The following DPP8 variants were observed in gnomAD, a reference collection of about 807,000 sequenced individuals.
DPP8 encodes DPP VIII.
A neutral mutation model predicts 107.5 loss-of-function variants in DPP8; 31 were observed. That is an observed-to-expected ratio of 0.29 (90% CI 0.22 to 0.39). DPP8 has a LOEUF of 0.39. Ranked by LOEUF, DPP8 falls within the 10% of genes least tolerant of loss-of-function variation. The pLI is 1.00. For missense variants in DPP8, 842 were observed against 1,076.1 expected, an observed-to-expected ratio of 0.78 and a Z score of 3.04; for synonymous variants, 381 against 356.6, an observed-to-expected ratio of 1.07 and a Z score of -0.77.
chr15:65,510,400 G>A lies in DPP8; in HGVS notation c.259+1895C>T, dbSNP rs1016108832. ...GATTAATTCACTTACTATATAAAAG[G>A]CTTCAAATCATTAAGAAAAAGAAAC... On this transcript the variant is annotated intron_variant, in intron 2 of 19. Coordinates refer to ENST00000300141, the MANE Select transcript of DPP8 (RefSeq NM_130434.5). Among the ~76,000 whole-genome samples, 7 of 151,960 alleles carry A rather than the reference G, an allele frequency of 4.6e-5. No homozygotes were observed. The East Asian group carries it at 1.3e-3, about 29-fold the overall frequency.
chr15:65,488,283 T>A (rs1003559399), intron 6 of DPP8, among the ~76,000 whole-genome samples: 1 of 151,980 alleles, frequency 6.6e-6, no homozygotes, highest in Non-Finnish European at 1.5e-5. Context: ...ATCCAAGACA[T>A]GGCTTAAAAG....
intron 11 of DPP8, among the ~76,000 whole-genome samples, chr15:65,476,099 C>T (rs755258961): frequency 6.6e-6 from 1 of 152,130 alleles, no homozygotes; most frequent in Non-Finnish European, 1.5e-5. Flanking sequence ...CTCTCAGCGG[C>T]CTAAGGAACA....
chr15:65,472,277 A>AATTT (rs769189027), intron 12 of DPP8, among the ~76,000 whole-genome samples: 51 of 152,172 alleles, frequency 3.4e-4, no homozygotes, highest in Non-Finnish European at 5.0e-4. Context: ...AAGTAAATGC[A>AATTT]ATTTATTTAT....
intron 6 of DPP8, 87 bp from the exon 7 acceptor site, chr15:65,487,905 T>C (rs2067597452): frequency 4.4e-6 from 4 of 909,938 alleles, no homozygotes; most frequent in Non-Finnish European, 6.7e-6. Context: ...ATCAGATTTC[T>C]TATAGTGAAG....
intron 12 of DPP8, among the ~76,000 whole-genome samples, chr15:65,472,002 G>A (rs2065938191): frequency 6.6e-6 from 1 of 152,128 alleles, no homozygotes; most frequent in Admixed American, 6.6e-5. Flanking sequence ...ACACATACAG[G>A]ATGGAGTTCC....
At chr15:65,461,706 C>T (rs558936260) in intron 15 of DPP8, among the ~76,000 whole-genome samples, 22 of 151,534 alleles carry the variant, frequency 1.5e-4, no homozygotes, top group African/African-American at 4.8e-4. Flanking sequence ...TGGGTTCAAA[C>T]GATTCTCCTG....
At chr15:65,482,282 C>A (rs1411342781) in intron 8 of DPP8, among the ~76,000 whole-genome samples, 1 of 151,966 alleles carries the variant, frequency 6.6e-6, no homozygotes. Flanking sequence ...CTCCTGGGCT[C>A]AAGTGATCCT....
At chr15:65,464,405 G>A (rs1207728831) in intron 14 of DPP8, among the ~76,000 whole-genome samples, 2 of 151,816 alleles carry the variant, frequency 1.3e-5, no homozygotes, top group Non-Finnish European at 2.9e-5. Flanking sequence ...AACTAGGCCA[G>A]GCACGGTGGC....
At chr15:65,512,742 T>C in intron 1 of DPP8, 178 bp from the exon 2 acceptor site, 1 of 626,860 alleles carries the variant, frequency 1.6e-6, no homozygotes, top group Non-Finnish European at 2.7e-6. Flanking sequence ...CTGTGTTCAG[T>C]TTAAAAATGA....
In DPP8 at chr15:65,517,670, T is replaced by C. The variant is rs951725108; in HGVS notation, c.-196A>G. ...GGCGGCAGTAGCAGCGGCCTTGGCCTCGGAGGCTTTAGCACTTCCGGTTCG... is the reference window on the plus strand; with the variant it reads ...GGCGGCAGTAGCAGCGGCCTTGGCCCCGGAGGCTTTAGCACTTCCGGTTCG... On this transcript the variant is annotated 5_prime_UTR_variant, in exon 1 of 20. Transcript: ENST00000300141. The C allele has an allele frequency of 6.6e-6, 1 of 152,366 alleles. No individual in the cohort carries two copies. Among genetic ancestry groups the C allele is most frequent in the Non-Finnish European group, 1.5e-5 (1 of 68,174 alleles). The allele number at this position is 152,366 out of a possible 1,614,324, so 9.4% of individuals were successfully genotyped here.
intron 12 of DPP8, among the ~76,000 whole-genome samples, chr15:65,468,575 C>A (rs2065567304): frequency 6.6e-6 from 1 of 151,898 alleles, no homozygotes. Context: ...TTTTAAATGC[C>A]TTTTTTCCCC....
chr15:65,465,023 GC>G (rs1390579167), intron 14 of DPP8, among the ~76,000 whole-genome samples: 1 of 152,134 alleles, frequency 6.6e-6, no homozygotes, highest in Non-Finnish European at 1.5e-5. Context: ...GTTCACCAAA[GC>G]TATACAGACC....
intron 12 of DPP8, among the ~76,000 whole-genome samples, chr15:65,470,047 A>C (rs752763042): frequency 1.7e-4 from 26 of 151,412 alleles, no homozygotes; most frequent in Non-Finnish European, 3.1e-4. Context: ...AAACACAAAA[A>C]TTAGCTGGGC....
chr15:65,510,681 A>G (rs1278965767), intron 2 of DPP8, among the ~76,000 whole-genome samples: 1 of 152,134 alleles, frequency 6.6e-6, no homozygotes, highest in African/African-American at 2.4e-5. Context: ...TGGGATTACA[A>G]GTGTGTACTA....
At chr15:65,455,224 C>T (rs970822627) in intron 16 of DPP8, among the ~76,000 whole-genome samples, 9 of 152,026 alleles carry the variant, frequency 5.9e-5, no homozygotes, top group Admixed American at 5.2e-4. Flanking sequence ...CTCAACCTCC[C>T]GGGCTCAAGT....
intron 11 of DPP8, among the ~76,000 whole-genome samples, chr15:65,474,743 A>G (rs534770193): frequency 6.6e-6 from 1 of 152,266 alleles, no homozygotes; most frequent in Non-Finnish European, 1.5e-5. Context: ...TGCTGGGATT[A>G]CAGGCATGGG....
At chr15:65,508,079 A>G (rs1025077931) in intron 2 of DPP8, among the ~76,000 whole-genome samples, 2 of 152,060 alleles carry the variant, frequency 1.3e-5, no homozygotes, top group Non-Finnish European at 2.9e-5. Context: ...CTGTACTAAA[A>G]ATACAAAAAA....
intron 3 of DPP8, among the ~76,000 whole-genome samples, chr15:65,504,739 T>C (rs2069740130): frequency 6.6e-6 from 1 of 151,508 alleles, no homozygotes; most frequent in African/African-American, 2.4e-5. Flanking sequence ...CCTAGCACTT[T>C]GGAAGGTCAA....
At chr15:65,507,055 T>C (rs1212323743) in intron 3 of DPP8, among the ~76,000 whole-genome samples, 188 bp downstream of exon 3, 1 of 152,136 alleles carries the variant, frequency 6.6e-6, no homozygotes, top group Non-Finnish European at 1.5e-5. Flanking sequence ...TTTAAAAAAT[T>C]GAATTTTATT....
Sources: allele counts gnomAD v4.1 joint callset (sites outside exome capture counted in the v4.1 genomes callset), GRCh38; gene constraint gnomAD v4.1.1; transcripts MANE v1.5; gene names NCBI Gene and HGNC (gene_info 2026-07-23, HGNC 2026-07-21).